The following TTC7A variants were observed in gnomAD, a reference collection of about 807,000 sequenced individuals.
TTC7A encodes tetratricopeptide repeat domain 7A.
A neutral mutation model predicts 103.7 loss-of-function variants in TTC7A; 110 were observed. The observed-to-expected ratio is 1.06, with a 90% CI of 0.91 to 1.24. TTC7A has a LOEUF of 1.24. Ranked by LOEUF, TTC7A falls within the 50% of genes most tolerant of loss-of-function variation. TTC7A has a pLI of 0.00. For synonymous variants in TTC7A, 521 were observed against 467.9 expected, an observed-to-expected ratio of 1.11 and a Z score of -1.47; for missense variants, 1,340 against 1,116.3, an observed-to-expected ratio of 1.20 and a Z score of -2.86.
At chr2:46,981,830 T>G (rs1279751827) in intron 5 of TTC7A, among the ~76,000 whole-genome samples, 2 of 152,196 alleles carry the variant, frequency 1.3e-5, no homozygotes, top group African/African-American at 4.8e-5. Flanking sequence ...GAGTTCTCAA[T>G]TGCCTGGAAG....
chr2:47,019,384 A>AC lies in TTC7A; in HGVS notation c.1393-2478_1393-2477insC, dbSNP rs1416780454. Among the ~76,000 whole-genome samples, 73 of 152,236 alleles carry AC rather than the reference A, an allele frequency of 4.8e-4. 1 individual carries two copies. Among genetic ancestry groups the AC allele is most frequent in the East Asian group, 9.7e-4 (5 of 5,180 alleles). ...ACCATTTTCTATTTTTAAAAAAAAA[A>AC]ACACACACAAAAAGAAATTAAATTA... On this transcript the variant is annotated intron_variant, in intron 11 of 19. Transcript: ENST00000319190.
At chr2:47,055,956 C>T (rs1683279374) in intron 18 of TTC7A, among the ~76,000 whole-genome samples, 1 of 152,188 alleles carries the variant, frequency 6.6e-6, no homozygotes, top group Non-Finnish European at 1.5e-5. Context: ...CTCCTGTCTT[C>T]ATTCAGTGCC....
intron 2 of TTC7A, among the ~76,000 whole-genome samples, chr2:46,928,291 A>C (rs756742197): frequency 1.1e-4 from 16 of 151,882 alleles, no homozygotes; most frequent in Non-Finnish European, 2.1e-4. Context: ...TCAGAAATCT[A>C]GGCAGGTTGT....
chr2:47,073,651 G>A (rs1684965585), intron 19 of TTC7A, 51 bp from the exon 20 acceptor site: 1 of 1,546,438 alleles, frequency 6.5e-7, no homozygotes, highest in South Asian at 1.1e-5. Context: ...TTGCCAAGAT[G>A]CCTGTGCCAT....
intron 16 of TTC7A, among the ~76,000 whole-genome samples, chr2:47,047,086 T>G (rs771115988): frequency 1.6e-4 from 25 of 152,148 alleles, no homozygotes; most frequent in Non-Finnish European, 2.9e-4. Flanking sequence ...AGGAAGTCTT[T>G]GCTCAAACCC....
intron 5 of TTC7A, among the ~76,000 whole-genome samples, chr2:46,986,786 C>T (rs913469609): frequency 4.6e-5 from 7 of 152,158 alleles, no homozygotes; most frequent in African/African-American, 1.4e-4. Context: ...CCCCAGAGTC[C>T]GGCTCGTCCC....
At chr2:46,940,498 GCCCTGGGCTAAAC>G (rs1670236623), upstream of TTC7A, among the ~76,000 whole-genome samples, 1 of 152,168 alleles carries the variant, frequency 6.6e-6, no homozygotes, top group South Asian at 2.1e-4. The surrounding 1 kb of genome is among the most constrained non-coding windows in gnomAD (Gnocchi z 4.7). Flanking sequence ...GCACCCCACA[GCCCTGGGCTAAAC>G]CCTGCTAAGC....
At chr2:46,978,712 A>G in intron 4 of TTC7A, 80 bp from the exon 5 acceptor site, 1 of 1,108,984 alleles carries the variant, frequency 9.0e-7, no homozygotes, top group South Asian at 1.3e-5. Context: ...TGGGATGGTG[A>G]TGAGGCCACC....
intron 5 of TTC7A, among the ~76,000 whole-genome samples, chr2:46,980,910 AC>A (rs529005665): frequency 8.4e-4 from 128 of 152,350 alleles, no homozygotes; most frequent in Middle Eastern, 3.4e-3. Context: ...GTAAAATGGT[AC>A]AGCCTAGCCA....
At chr2:47,069,458 C>T (rs1280903125) in intron 19 of TTC7A, among the ~76,000 whole-genome samples, 1 of 152,170 alleles carries the variant, frequency 6.6e-6, no homozygotes, top group African/African-American at 2.4e-5. Context: ...TGAGTCTGGG[C>T]TCTTCTCAGC....
At chr2:47,000,992 G>A (rs983818306) in intron 8 of TTC7A, among the ~76,000 whole-genome samples, 13 of 152,132 alleles carry the variant, frequency 8.5e-5, no homozygotes, top group African/African-American at 3.1e-4. Flanking sequence ...GGCACAGAAG[G>A]AGCCAGGAGT....
rs1482833172 is a variant in TTC7A at position 47,074,115 on chromosome 2, C to G, written c.*192C>G. ...GCCTTCCTGGATTTCTTTGTTGGTG[C>G]CTTGGGAAACAGTCTGACTTGAACC... On this transcript the variant is annotated 3_prime_UTR_variant, in exon 20 of 20. Transcript: ENST00000319190. The G allele has an allele frequency of 1.7e-6, 1 of 598,508 alleles. No individual in the cohort carries two copies. Among genetic ancestry groups the G allele is most frequent in the East Asian group, 2.8e-5 (1 of 36,010 alleles). The allele number at this position is 598,508 out of a possible 1,614,324, so 37.1% of individuals were successfully genotyped here. A position where few individuals can be genotyped will look rare whatever the true frequency, so the allele number is the denominator to read the frequency against.
intron 8 of TTC7A, among the ~76,000 whole-genome samples, chr2:47,001,107 G>C (rs1030121803): frequency 5.3e-5 from 8 of 152,196 alleles, no homozygotes; most frequent in African/African-American, 1.7e-4. Flanking sequence ...AAAATAGGCT[G>C]AGAGTACACA....
intron 3 of TTC7A, among the ~76,000 whole-genome samples, chr2:46,971,922 CA>C (rs5830930): frequency 2.1e-3 from 194 of 93,438 alleles, no homozygotes; most frequent in Middle Eastern, 0.017. Context: ...CTGCAAGTGA[CA>C]AAAAAAAAAA....
chr2:46,943,801 C>G (rs1670682134), intron 1 of TTC7A, among the ~76,000 whole-genome samples: 1 of 152,166 alleles, frequency 6.6e-6, no homozygotes, highest in Non-Finnish European at 1.5e-5. Flanking sequence ...TCCACAGTTA[C>G]AGAATTGGGA....
In TTC7A at chr2:47,075,693, G is replaced by A. The variant is rs74801760; in HGVS notation, c.*1770G>A. 0.041 allele frequency: 6,290 copies of A among 152,518 alleles called. 185 individuals carry two copies. Among genetic ancestry groups the A allele is most frequent in the South Asian group, 0.079 (383 of 4,826 alleles). The allele number at this position is 152,518 out of a possible 1,614,324, so 9.4% of individuals were successfully genotyped here. The stretch of plus-strand genomic sequence containing the variant: ...TCGAAGCCAAGACCTGGGCCCACCT[G>A]GGGAGGGATGTGGGAAAGGAAGGAT... On this transcript the variant is annotated 3_prime_UTR_variant, in exon 20 of 20. Coordinates refer to ENST00000319190, the MANE Select transcript of TTC7A (RefSeq NM_020458.4).
intron 14 of TTC7A, among the ~76,000 whole-genome samples, chr2:47,025,040 A>G (rs1410858388): frequency 1.3e-5 from 2 of 152,182 alleles, no homozygotes; most frequent in East Asian, 3.9e-4. Context: ...AGGTGGCTTG[A>G]CCCTGATGCC....
chr2:46,986,448 C>G (rs999840560), intron 5 of TTC7A, among the ~76,000 whole-genome samples: 3 of 151,998 alleles, frequency 2.0e-5, no homozygotes, highest in African/African-American at 7.3e-5. Flanking sequence ...GTCCCCTCCC[C>G]TCGTGGAGTG....
At chr2:46,926,261 T>C (rs188329783) in intron 2 of TTC7A, among the ~76,000 whole-genome samples, 3 of 152,336 alleles carry the variant, frequency 2.0e-5, no homozygotes, top group African/African-American at 7.2e-5. Flanking sequence ...TTAGTTAATT[T>C]TGGTTTAGTT....
Sources: allele counts gnomAD v4.1 joint callset (sites outside exome capture counted in the v4.1 genomes callset), GRCh38; gene constraint gnomAD v4.1.1; non-coding constraint Gnocchi (gnomAD v3.1); transcripts MANE v1.5; gene names NCBI Gene and HGNC (gene_info 2026-07-23, HGNC 2026-07-21).